The following COTL1 variants were observed in gnomAD, a reference collection of about 807,000 sequenced individuals.
COTL1 encodes coactosin like F-actin binding protein 1, also known as coactosin-like protein.
Under a neutral mutation model 16.5 loss-of-function variants are expected in COTL1, and 15 were observed. That is an observed-to-expected ratio of 0.91 (90% CI 0.61 to 1.40). The LOEUF (loss-of-function observed/expected upper bound fraction) is 1.40. Ranked by LOEUF, COTL1 falls within the 40% of genes most tolerant of loss-of-function variation. The pLI, the probability that COTL1 is intolerant of heterozygous loss-of-function variation, is 0.00. For missense variants in COTL1, 220 were observed against 201.5 expected (o/e 1.09, Z -0.56); for synonymous variants, 112 against 85.3 (o/e 1.31, Z -1.73).
At chr16:84,591,369 G>A (rs1164829797) in intron 2 of COTL1, among the ~76,000 whole-genome samples, 1 of 151,488 alleles carries the variant, frequency 6.6e-6, no homozygotes, top group Non-Finnish European at 1.5e-5. Context: ...ATTTTTAGTA[G>A]AGATGGGGTT....
intron 2 of COTL1, among the ~76,000 whole-genome samples, chr16:84,594,209 G>A (rs866852732): frequency 6.6e-6 from 1 of 152,238 alleles, no homozygotes; most frequent in South Asian, 2.1e-4. Context: ...CCAAAATGGG[G>A]TGATTTCACG....
At chr16:84,600,604 C>T (rs542861864) in intron 2 of COTL1, among the ~76,000 whole-genome samples, 5 of 152,330 alleles carry the variant, frequency 3.3e-5, no homozygotes, top group South Asian at 4.1e-4. Flanking sequence ...CGAGCCACTG[C>T]GCCCGGCCAA....
chr16:84,610,373 A>G (rs1905295595), intron 2 of COTL1, among the ~76,000 whole-genome samples: 1 of 152,220 alleles, frequency 6.6e-6, no homozygotes, highest in Non-Finnish European at 1.5e-5. Flanking sequence ...GTTTTCTGGC[A>G]CGTCACCTGT....
At chr16:84,573,120 A>C (rs1904368761) in intron 3 of COTL1, among the ~76,000 whole-genome samples, 1 of 152,228 alleles carries the variant, frequency 6.6e-6, no homozygotes. Context: ...CATTTATTTT[A>C]ATAGTATTTT....
Position 84,566,699 on chromosome 16 carries a change from G to A in COTL1, c.*146C>T, listed in dbSNP as rs1157824520. The A allele has an allele frequency of 1.6e-6, 1 of 606,838 alleles. No individual in the cohort carries two copies. The highest frequency in any genetic ancestry group is 2.8e-5 in the East Asian group (1 of 35,970). 37.6% of individuals were successfully genotyped at this position (606,838 alleles called of 1,614,324 possible). ...TTCTAAGGGAAGCGGGAAGGTGGGGGCTGTGGACACAGGGTGGCGGGCGCT... is the reference window on the plus strand; with the variant it reads ...TTCTAAGGGAAGCGGGAAGGTGGGGACTGTGGACACAGGGTGGCGGGCGCT... On this transcript the variant is annotated 3_prime_UTR_variant, in exon 4 of 4. Coordinates refer to ENST00000262428, the MANE Select transcript of COTL1 (RefSeq NM_021149.5).
At position 84,608,952 on chromosome 16, in the gene COTL1, A is replaced by G. The variant is rs571514043; in HGVS notation, c.160+8549T>C. 8.5e-5 allele frequency among the ~76,000 whole-genome samples: 13 copies of G among 152,336 alleles called. No homozygotes were observed. In the South Asian group the frequency reaches 2.7e-3, roughly 32 times the overall value. On this transcript the variant is annotated intron_variant, in intron 2 of 3. Transcript: ENST00000262428. ...CCCAACATTGTTTCTGGAGCAAAGTAGGAACCCAATAAAATGTTTGTCGCA... is the reference window on the plus strand; with the variant it reads ...CCCAACATTGTTTCTGGAGCAAAGTGGGAACCCAATAAAATGTTTGTCGCA...
intron 2 of COTL1, among the ~76,000 whole-genome samples, chr16:84,615,580 G>A (rs61409560): frequency 6.6e-6 from 1 of 152,174 alleles, no homozygotes; most frequent in Non-Finnish European, 1.5e-5. Context: ...AGGGAAGCTG[G>A]TCTGTAAAGC....
intron 3 of COTL1, among the ~76,000 whole-genome samples, chr16:84,583,721 A>G (rs1437014767): frequency 6.6e-6 from 1 of 152,108 alleles, no homozygotes; most frequent in Non-Finnish European, 1.5e-5. Context: ...TGGTCTCCCA[A>G]AATGTTGGGA....
intron 2 of COTL1, among the ~76,000 whole-genome samples, chr16:84,609,703 G>A (rs1040909042): frequency 6.6e-6 from 1 of 152,160 alleles, no homozygotes; most frequent in African/African-American, 2.4e-5. Flanking sequence ...ATTGACTCAG[G>A]GGGGCAGTTT....
chr16:84,587,495 G>A (rs1175017342), intron 3 of COTL1, among the ~76,000 whole-genome samples: 1 of 152,132 alleles, frequency 6.6e-6, no homozygotes, highest in African/African-American at 2.4e-5. Flanking sequence ...CAACTTAAGA[G>A]GCCAAGAACA....
At chr16:84,587,218 T>A (rs962758921) in intron 3 of COTL1, among the ~76,000 whole-genome samples, 7 of 152,124 alleles carry the variant, frequency 4.6e-5, no homozygotes, top group African/African-American at 1.7e-4. Context: ...CCAGACAGGG[T>A]GCAGACAGCA....
At chr16:84,573,902 C>T (rs1033889182) in intron 3 of COTL1, among the ~76,000 whole-genome samples, 1 of 151,838 alleles carries the variant, frequency 6.6e-6, no homozygotes, top group East Asian at 1.9e-4. Flanking sequence ...CGCCGGTAAT[C>T]CCAAGCACTT....
At chr16:84,602,033 C>T (rs1022132619) in intron 2 of COTL1, among the ~76,000 whole-genome samples, 2 of 152,128 alleles carry the variant, frequency 1.3e-5, no homozygotes, top group African/African-American at 4.8e-5. Flanking sequence ...CTTGCTCAGC[C>T]CTACTCCAGG....
chr16:84,591,184 A>ATTTT (rs561534827), intron 2 of COTL1, among the ~76,000 whole-genome samples: 3 of 139,526 alleles, frequency 2.2e-5, no homozygotes, highest in Non-Finnish European at 1.5e-5. Context: ...ATATTCTGGA[A>ATTTT]TTTTTTTTTT....
chr16:84,599,582 G>A (rs989402259), intron 2 of COTL1, among the ~76,000 whole-genome samples: 2 of 152,050 alleles, frequency 1.3e-5, no homozygotes, highest in East Asian at 1.9e-4. Context: ...GTGGGCCAAT[G>A]GAAAGAAAAA....
intron 3 of COTL1, among the ~76,000 whole-genome samples, chr16:84,578,441 T>C (rs759975011): frequency 6.6e-6 from 1 of 152,258 alleles, no homozygotes; most frequent in Non-Finnish European, 1.5e-5. Context: ...TGGTATCTTA[T>C]TGAATTTTCA....
chr16:84,572,863 C>G (rs1345380993), intron 3 of COTL1, among the ~76,000 whole-genome samples: 1 of 152,154 alleles, frequency 6.6e-6, no homozygotes, highest in East Asian at 1.9e-4. Context: ...AGCAATCCTA[C>G]CACCTCAGCC....
At chr16:84,606,796 T>C (rs1435708252) in intron 2 of COTL1, among the ~76,000 whole-genome samples, 2 of 152,202 alleles carry the variant, frequency 1.3e-5, no homozygotes, top group Admixed American at 6.5e-5. Context: ...GCACCCTCCA[T>C]GTTCCTCTTA....
intron 2 of COTL1, chr16:84,594,600 A>C (rs1010126807): frequency 6.6e-6 from 1 of 152,208 alleles, no homozygotes; most frequent in African/African-American, 2.4e-5. Flanking sequence ...TCCGCCTCCG[A>C]CTGCATTTCA....
Sources: allele counts gnomAD v4.1 joint callset (sites outside exome capture counted in the v4.1 genomes callset), GRCh38; gene constraint gnomAD v4.1.1; transcripts MANE v1.5; gene names NCBI Gene and HGNC (gene_info 2026-07-23, HGNC 2026-07-21).